SMARCAL1: variants seen among roughly 807,000 people sequenced by gnomAD.
The protein encoded by SMARCAL1 is ATP-driven annealing helicase.
SMARCAL1 carries 58 observed loss-of-function variants against 94.5 expected under a neutral mutation model. That is an observed-to-expected ratio of 0.61 (90% CI 0.50 to 0.76). The LOEUF (loss-of-function observed/expected upper bound fraction) is 0.76. Ranked by LOEUF, SMARCAL1 falls within the 30% of genes least tolerant of loss-of-function variation. SMARCAL1 has a pLI of 0.00. For synonymous variants in SMARCAL1, 422 were observed against 455.1 expected (o/e 0.93, Z 0.93); for missense variants, 1,051 against 1,177.9 (o/e 0.89, Z 1.58).
At chr2:216,427,982 G>T (rs1165272079) in intron 6 of SMARCAL1, among the ~76,000 whole-genome samples, 1 of 152,214 alleles carries the variant, frequency 6.6e-6, no homozygotes, top group African/African-American at 2.4e-5. Flanking sequence ...ACCGGAGGAC[G>T]ATTAGCCTTT....
chr2:216,433,509 A>G (rs1252500792), intron 8 of SMARCAL1, among the ~76,000 whole-genome samples: 5 of 152,198 alleles, frequency 3.3e-5, no homozygotes, highest in African/African-American at 4.8e-5. Flanking sequence ...GTTAAGCTCC[A>G]TGCTTCCTCT....
intron 12 of SMARCAL1, among the ~76,000 whole-genome samples, chr2:216,459,340 A>C (rs1694645199): frequency 1.3e-5 from 2 of 152,366 alleles, no homozygotes; most frequent in Middle Eastern, 3.4e-3. Context: ...ATTACTTTAA[A>C]GTTCATATGG....
At chr2:216,433,537 G>A (rs12612280) in intron 8 of SMARCAL1, among the ~76,000 whole-genome samples, 5,362 of 152,204 alleles carry the variant, frequency 0.035, 206 homozygotes, top group East Asian at 0.16. Flanking sequence ...GAGCCCTGGC[G>A]GATCTTGATG....
chr2:216,450,661 C>G (rs1694427726), intron 11 of SMARCAL1, among the ~76,000 whole-genome samples, 185 bp from the exon 12 acceptor site: 1 of 152,130 alleles, frequency 6.6e-6, no homozygotes, highest in Non-Finnish European at 1.5e-5. Flanking sequence ...TGACTTTTTT[C>G]TCTCTTTTCC....
At chr2:216,443,820 G>T (rs1212917667) in intron 10 of SMARCAL1, among the ~76,000 whole-genome samples, 1 of 152,188 alleles carries the variant, frequency 6.6e-6, no homozygotes, top group African/African-American at 2.4e-5. Context: ...CTGCTTTCTT[G>T]GTTTGTCCTG....
chr2:216,479,610 A>G (rs1695156582), intron 17 of SMARCAL1, among the ~76,000 whole-genome samples: 1 of 152,184 alleles, frequency 6.6e-6, no homozygotes, highest in Non-Finnish European at 1.5e-5. Context: ...TAAGACTCAG[A>G]TCATATTTTT....
At chr2:216,476,610 G>A (rs1369963931) in intron 15 of SMARCAL1, among the ~76,000 whole-genome samples, 1 of 152,188 alleles carries the variant, frequency 6.6e-6, no homozygotes, top group East Asian at 1.9e-4. Flanking sequence ...ACCACATCCA[G>A]CCCTTAAGTA....
chr2:216,444,725 C>T (rs1357679932), intron 10 of SMARCAL1, among the ~76,000 whole-genome samples: 1 of 152,160 alleles, frequency 6.6e-6, no homozygotes, highest in Non-Finnish European at 1.5e-5. Context: ...CCATGTTGGC[C>T]AGGTTGGTCT....
intron 12 of SMARCAL1, among the ~76,000 whole-genome samples, chr2:216,455,159 G>T (rs2106060274): frequency 1.3e-5 from 2 of 152,276 alleles, no homozygotes; most frequent in Middle Eastern, 6.8e-3. Flanking sequence ...GGGGAGGGGT[G>T]CCCGCCATTG....
At chr2:216,412,799 G>GT (rs1393630494) in intron 1 of SMARCAL1, 151 bp downstream of exon 1, 14 of 152,726 alleles carry the variant, frequency 9.2e-5, no homozygotes, top group African/African-American at 3.4e-4. Context: ...TTGAGGCTGG[G>GT]TGAGGCTCGC....
In SMARCAL1 at chr2:216,447,063, C is replaced by T. The variant is rs119473038; in HGVS notation, c.1756C>T (p.Arg586Trp). 24 of 1,607,756 alleles carry T rather than the reference C, an allele frequency of 1.5e-5. No homozygotes were observed. Among genetic ancestry groups the T allele is most frequent in the Non-Finnish European group, 1.8e-5 (21 of 1,177,774 alleles). Reference sequence around the variant, plus strand: ...GTTGTCGGGCACACCAGCCATGTCCCGGCCCGCAGAGCTCTACACGCAGAT... The same window carrying T: ...GTTGTCGGGCACACCAGCCATGTCCTGGCCCGCAGAGCTCTACACGCAGAT... ...ILLSGTPAMS[R>W]PAELYTQIIA... Residue 586 changes from arginine (R) to tryptophan (W), a missense_variant, in exon 11 of 18, where the codon CGG becomes TGG. By Grantham distance (101) the Arg-to-Trp change is moderately radical. Transcript: ENST00000357276.
intron 7 of SMARCAL1, among the ~76,000 whole-genome samples, chr2:216,430,084 G>A (rs372918231): frequency 6.6e-6 from 1 of 152,138 alleles, no homozygotes; most frequent in Admixed American, 6.5e-5. Flanking sequence ...CCACGTGTTG[G>A]GTGCTGGTTT....
chr2:216,446,929 C>T, intron 10 of SMARCAL1, 89 bp from the exon 11 acceptor site: 1 of 1,515,718 alleles, frequency 6.6e-7, no homozygotes, highest in Non-Finnish European at 9.1e-7. Context: ...TTTCTGGGGG[C>T]ATCCAGCTCC....
rs113158851 is a variant in SMARCAL1 at position 216,417,790 on chromosome 2, A to G, written c.862+1483A>G. Reference sequence around the variant, plus strand: ...GCAGATTTTGACACCTGGTATTCTCATTGCTGGTGATCTTAAACCAGTGGT... The same window carrying G: ...GCAGATTTTGACACCTGGTATTCTCGTTGCTGGTGATCTTAAACCAGTGGT... On this transcript the variant is annotated intron_variant, in intron 4 of 17. Coordinates refer to ENST00000357276, the MANE Select transcript of SMARCAL1 (RefSeq NM_014140.4). Among the ~76,000 whole-genome samples the G allele has an allele frequency of 3.3e-3, 502 of 152,262 alleles. 2 individuals are homozygous for G. The highest frequency in any genetic ancestry group is 0.012 in the African/African-American group (489 of 41,540).
intron 12 of SMARCAL1, among the ~76,000 whole-genome samples, chr2:216,460,298 A>G (rs1282688237): frequency 6.6e-6 from 1 of 152,236 alleles, no homozygotes; most frequent in African/African-American, 2.4e-5. Flanking sequence ...GGGATGTAGA[A>G]CTAGAAATAC....
chr2:216,459,289 C>G lies in SMARCAL1; in HGVS notation c.2071-5308C>G, dbSNP rs1694644640. On this transcript the variant is annotated intron_variant, in intron 12 of 17. Transcript: ENST00000357276. ...GTAATTTATAGATTCAATGCCGTCC[C>G]CATCAAGCTACCAATGACTTTCTTC... Among the ~76,000 whole-genome samples the G allele has an allele frequency of 2.0e-5, 3 of 152,284 alleles. No individual in the cohort carries two copies. The South Asian group carries it at 6.2e-4, about 32-fold the overall frequency.
intron 6 of SMARCAL1, among the ~76,000 whole-genome samples, 161 bp downstream of exon 6, chr2:216,423,844 C>G (rs142214870): frequency 1.6e-4 from 25 of 152,320 alleles, no homozygotes; most frequent in Non-Finnish European, 3.1e-4. Flanking sequence ...TGTCCACATC[C>G]ACTGAGATGG....
At chr2:216,422,073 A>C (rs1400491240) in intron 5 of SMARCAL1, among the ~76,000 whole-genome samples, 1 of 152,066 alleles carries the variant, frequency 6.6e-6, no homozygotes, top group Non-Finnish European at 1.5e-5. Context: ...GTTTGGCTTC[A>C]GCTTGGGGTG....
chr2:216,414,330 T>C, intron 2 of SMARCAL1: 1 of 260,112 alleles, frequency 3.8e-6, no homozygotes, highest in South Asian at 4.0e-5. Flanking sequence ...GCTAATTTTG[T>C]ATTTTTAGTA....
Sources: gnomAD v4.1 joint callset for allele counts (sites outside exome capture counted in the v4.1 genomes callset) on GRCh38, gnomAD v4.1.1 for gene constraint, MANE v1.5 for transcripts, NCBI Gene and HGNC (gene_info 2026-07-23, HGNC 2026-07-21) for gene names.